CACNG6: variants seen among roughly 807,000 people sequenced by gnomAD.
CACNG6 encodes the protein calcium voltage-gated channel auxiliary subunit gamma 6.
Under a neutral mutation model 23.9 loss-of-function variants are expected in CACNG6, and 21 were observed. The ratio of observed to expected loss-of-function variants is 0.88; its 90% CI spans 0.62 to 1.26. The LOEUF (loss-of-function observed/expected upper bound fraction) is 1.26. Among genes scored for constraint, CACNG6 ranks in the 50% most tolerant of loss-of-function variants. The pLI, the probability that CACNG6 is intolerant of heterozygous loss-of-function variation, is 0.00. For synonymous variants in CACNG6, 182 were observed against 168.9 expected (o/e 1.08, Z -0.60); for missense variants, 340 against 352.9 (o/e 0.96, Z 0.29).
rs1453558773 is a variant in CACNG6, at chr19:54,012,233, C to G, written c.*44C>G. On this transcript the variant is annotated 3_prime_UTR_variant, in exon 4 of 4. Coordinates refer to ENST00000252729, the MANE Select transcript of CACNG6 (RefSeq NM_145814.2). The stretch of plus-strand genomic sequence containing the variant: ...TCTAAGCAACCACCGAGCCCTTTGA[C>G]CTTCTCCATTGTACCCCCAAGATCT... 1.1e-6 allele frequency: 1 copy of G among 876,194 alleles called. No individual in the cohort carries two copies. The highest frequency in any genetic ancestry group is 1.6e-6 in the Non-Finnish European group (1 of 606,204). 54.3% of individuals were successfully genotyped at this position (876,194 alleles called of 1,614,324 possible). A position where few individuals can be genotyped will look rare whatever the true frequency, so the allele number is the denominator to read the frequency against.
intron 3 of CACNG6, among the ~76,000 whole-genome samples, chr19:54,005,536 T>A (rs307967): frequency 6.6e-6 from 1 of 151,510 alleles, no homozygotes; most frequent in African/African-American, 2.4e-5. Flanking sequence ...CGGGCAGATC[T>A]CAGGATTAGG....
In CACNG6 at chr19:54,012,224, G is replaced by A; in HGVS notation, c.*35G>A. Reference sequence around the variant, plus strand: ...TGAGACTTCTCTAAGCAACCACCGAGCCCTTTGACCTTCTCCATTGTACCC... The same window carrying A: ...TGAGACTTCTCTAAGCAACCACCGAACCCTTTGACCTTCTCCATTGTACCC... On this transcript the variant is annotated 3_prime_UTR_variant, in exon 4 of 4. Transcript: ENST00000252729. 1.0e-6 allele frequency: 1 copy of A among 994,016 alleles called. No homozygotes were observed. 61.6% of individuals were successfully genotyped at this position (994,016 alleles called of 1,614,324 possible). A position where few individuals can be genotyped will look rare whatever the true frequency, so the allele number is the denominator to read the frequency against.
At position 53,998,219 on chromosome 19, in the gene CACNG6, T is replaced by G; in HGVS notation, c.332-20T>G. 1 of 1,610,412 alleles carries G rather than the reference T, an allele frequency of 6.2e-7. No homozygotes were observed. The highest frequency in any genetic ancestry group is 8.5e-7 in the Non-Finnish European group (1 of 1,176,754). Reference sequence around the variant, plus strand: ...GGACCTCACATCCTCATGTCTGTTTTCTCTCTCCTGCTCCCACAGAAGCAA... The same window carrying G: ...GGACCTCACATCCTCATGTCTGTTTGCTCTCTCCTGCTCCCACAGAAGCAA... On this transcript the variant is annotated intron_variant, in intron 1 of 3. Coordinates refer to ENST00000252729, the MANE Select transcript of CACNG6 (RefSeq NM_145814.2).
chr19:54,011,517 A>G (rs1269385712), intron 3 of CACNG6, among the ~76,000 whole-genome samples: 2 of 151,494 alleles, frequency 1.3e-5, no homozygotes, highest in Non-Finnish European at 2.9e-5. Context: ...CGAACACCAG[A>G]ACGCGTTTCT....
At chr19:54,002,639 G>C (rs536191730) in intron 3 of CACNG6, among the ~76,000 whole-genome samples, 79 of 152,270 alleles carry the variant, frequency 5.2e-4, no homozygotes, top group African/African-American at 1.9e-3. Flanking sequence ...TAGGAATTTA[G>C]TGCTGGTGTT....
rs1221696146 is a variant in CACNG6 at position 54,012,616 on chromosome 19, G to A, written c.*427G>A. On this transcript the variant is annotated 3_prime_UTR_variant, in exon 4 of 4. Transcript: ENST00000252729. Reference sequence around the variant, plus strand: ...GGGTGCGGTTGGGGGAGATAGCGAAGGGTCTGGCCTCGCTGTGATCTGATT... The same window carrying A: ...GGGTGCGGTTGGGGGAGATAGCGAAAGGTCTGGCCTCGCTGTGATCTGATT... 1.2e-5 allele frequency: 2 copies of A among 160,988 alleles called. No homozygotes were observed. Among genetic ancestry groups the A allele is most frequent in the Non-Finnish European group, 2.7e-5 (2 of 74,480 alleles). The allele number at this position is 160,988 out of a possible 1,614,324, so 10.0% of individuals were successfully genotyped here. A position where few individuals can be genotyped will look rare whatever the true frequency, so the allele number is the denominator to read the frequency against.
intron 3 of CACNG6, among the ~76,000 whole-genome samples, chr19:54,005,252 A>G (rs2069629789): frequency 8.4e-6 from 1 of 119,114 alleles, no homozygotes; most frequent in African/African-American, 3.3e-5. Context: ...TAAATAAATA[A>G]TAATAAAAGA....
At chr19:54,004,863 T>A (rs2069622515) in intron 3 of CACNG6, among the ~76,000 whole-genome samples, 1 of 152,032 alleles carries the variant, frequency 6.6e-6, no homozygotes, top group South Asian at 2.1e-4. Flanking sequence ...GACCATCGTG[T>A]CTAAAGGGGA....
chr19:54,006,954 T>G (rs1311024059), intron 3 of CACNG6, among the ~76,000 whole-genome samples: 1 of 151,472 alleles, frequency 6.6e-6, no homozygotes, highest in African/African-American at 2.4e-5. Flanking sequence ...TGCCTGAAAT[T>G]TTTTTTATCT....
chr19:54,006,823 CTG>C (rs1482528928), intron 3 of CACNG6, among the ~76,000 whole-genome samples: 2 of 149,358 alleles, frequency 1.3e-5, no homozygotes, highest in East Asian at 4.0e-4. Flanking sequence ...CCGTGAGCCA[CTG>C]TGCCCGGCCT....
Position 53,992,189 on chromosome 19 carries a change from G to C in CACNG6, c.-689G>C, listed in dbSNP as rs2069467978. Reference sequence around the variant, plus strand: ...TGTTCTTCTCCTTCTGTGGATGCCGGGGTCCTACTGCCTCTCTTGAGACCC... The same window carrying C: ...TGTTCTTCTCCTTCTGTGGATGCCGCGGTCCTACTGCCTCTCTTGAGACCC... On this transcript the variant is annotated 5_prime_UTR_variant, in exon 1 of 4. Coordinates refer to ENST00000252729, the MANE Select transcript of CACNG6 (RefSeq NM_145814.2). This position sits in a 1 kb window ranked among gnomAD's most constrained non-coding sequence, Gnocchi z 4.1. 1 of 152,248 alleles carries C rather than the reference G, an allele frequency of 6.6e-6. No individual in the cohort carries two copies. Among genetic ancestry groups the C allele is most frequent in the South Asian group, 2.1e-4 (1 of 4,834 alleles). The allele number at this position is 152,248 out of a possible 1,614,324, so 9.4% of individuals were successfully genotyped here.
At chr19:53,993,555 A>T (rs2069489983) in intron 1 of CACNG6, among the ~76,000 whole-genome samples, 1 of 151,352 alleles carries the variant, frequency 6.6e-6, no homozygotes, top group Admixed American at 6.6e-5. Flanking sequence ...CTGTGACCTG[A>T]GACCCCCTCA....
intron 1 of CACNG6, among the ~76,000 whole-genome samples, chr19:53,993,973 G>A (rs1264664086): frequency 6.6e-6 from 1 of 151,876 alleles, no homozygotes; most frequent in African/African-American, 2.4e-5. Flanking sequence ...AGACACAGCT[G>A]GTGTCCTCAG....
intron 3 of CACNG6, among the ~76,000 whole-genome samples, chr19:54,007,498 T>A (rs928558076): frequency 2.0e-5 from 3 of 152,234 alleles, no homozygotes; most frequent in Non-Finnish European, 2.9e-5. Flanking sequence ...CCTTCTTGGA[T>A]GAAACTCCAG....
rs918967909 is a variant in CACNG6 at position 53,993,096 on chromosome 19, C to T, written c.219C>T (p.Ser73=). The T allele has an allele frequency of 1.6e-5, 25 of 1,545,604 alleles. No homozygotes were observed. The highest frequency in any genetic ancestry group is 4.1e-5 in the African/African-American group (3 of 72,562). ...VELNTYKANG[S]AVCEAAHLGL... Reference sequence around the variant, plus strand: ...TCAACACCTACAAGGCCAACGGCAGCGCCGTGTGCGAAGCGGCCCACCTGG... The same window carrying T: ...TCAACACCTACAAGGCCAACGGCAGTGCCGTGTGCGAAGCGGCCCACCTGG... The change falls in exon 1 of 4, where the codon AGC becomes AGT. Residue 73 remains serine (S), a synonymous_variant. Transcript: ENST00000252729.
Position 53,992,465 on chromosome 19 carries a change from G to T in CACNG6, c.-413G>T, listed in dbSNP as rs2145950414. 6.2e-6 allele frequency: 1 copy of T among 160,378 alleles called. No individual in the cohort carries two copies. Among genetic ancestry groups the T allele is most frequent in the Admixed American group, 6.5e-5 (1 of 15,480 alleles). The allele number at this position is 160,378 out of a possible 1,614,324, so 9.9% of individuals were successfully genotyped here. A position where few individuals can be genotyped will look rare whatever the true frequency, so the allele number is the denominator to read the frequency against. ...TTAACCCCCCAGCGGGGACCCCAAA[G>T]CAGCCCCTTGGAGCTGCAGGGAGCT... On this transcript the variant is annotated 5_prime_UTR_variant, in exon 1 of 4. Transcript: ENST00000252729. The surrounding 1 kb of genome is among the most constrained non-coding windows in gnomAD (Gnocchi z 4.1).
chr19:53,998,142 A>C (rs2069538925), intron 1 of CACNG6, 97 bp from the exon 2 acceptor site: 1 of 1,060,474 alleles, frequency 9.4e-7, no homozygotes, highest in African/African-American at 1.6e-5. Context: ...GCTGATGTCC[A>C]AGTTTTAGGC....
At position 54,000,066 on chromosome 19, in the gene CACNG6, G is replaced by T. The variant is rs554574506; in HGVS notation, c.544+295G>T. ...AAAGATGGGAGAACCCCAACAACCGGGCTAAGGATTGGAGGGTGTCCAAAC... is the reference window on the plus strand; with the variant it reads ...AAAGATGGGAGAACCCCAACAACCGTGCTAAGGATTGGAGGGTGTCCAAAC... On this transcript the variant is annotated intron_variant, in intron 3 of 3. Transcript: ENST00000252729. 2.6e-5 allele frequency among the ~76,000 whole-genome samples: 4 copies of T among 152,212 alleles called. No individual in the cohort carries two copies. In the East Asian group the frequency reaches 7.7e-4, roughly 29 times the overall value.
At chr19:53,994,127 C>T (rs899069513) in intron 1 of CACNG6, among the ~76,000 whole-genome samples, 4 of 152,132 alleles carry the variant, frequency 2.6e-5, no homozygotes, top group African/African-American at 9.7e-5. Flanking sequence ...CTTCCTCTTC[C>T]CAGCCTGGAG....
Sources: gnomAD v4.1 joint callset for allele counts (sites outside exome capture counted in the v4.1 genomes callset) on GRCh38, gnomAD v4.1.1 for gene constraint, Gnocchi (gnomAD v3.1) non-coding constraint, MANE v1.5 for transcripts, NCBI Gene and HGNC (gene_info 2026-07-23, HGNC 2026-07-21) for gene names.